Variants in ZNF385D observed in about 807,000 individuals in gnomAD.
ZNF385D encodes the protein zinc finger protein 385D, also known as zinc finger protein 659.
A neutral mutation model predicts 35.8 loss-of-function variants in ZNF385D; 15 were observed. The ratio of observed to expected loss-of-function variants is 0.42; its 90% CI spans 0.28 to 0.64. The LOEUF (loss-of-function observed/expected upper bound fraction) is 0.64. Ranked by LOEUF, ZNF385D falls within the 30% of genes least tolerant of loss-of-function variation. The probability of loss-of-function intolerance (pLI) is 0.23; values close to 1 mark genes in which losing one functional copy is unlikely to be tolerated. For synonymous variants in ZNF385D, 212 were observed against 186.8 expected (o/e 1.13, Z -1.10); for missense variants, 474 against 494.6 (o/e 0.96, Z 0.39).
In ZNF385D at chr3:21,982,818, C is replaced by CTTT. The variant is rs35606509; in HGVS notation, c.325+185996_325+185998dup. 2.7e-3 allele frequency among the ~76,000 whole-genome samples: 404 copies of CTTT among 150,420 alleles called. 2 individuals are homozygous for CTTT. Among genetic ancestry groups the CTTT allele is most frequent in the African/African-American group, 9.2e-3 (376 of 40,936 alleles). ...AGGGCTGTTGAATTTTATTGAAAGC[C>CTTT]TTTTTTTTTGCATCTATTGAGATAA... On this transcript the variant is annotated intron_variant, in intron 3 of 5. Coordinates refer to the ZNF385D transcript ENST00000494108.
chr3:21,573,744 A>C lies in ZNF385D; in HGVS notation c.166-9060T>G, dbSNP rs141545506. 1.4e-3 allele frequency among the ~76,000 whole-genome samples: 219 copies of C among 152,250 alleles called. 2 individuals are homozygous for C. The South Asian group carries it at 0.02, about 14-fold the overall frequency. On this transcript the variant is annotated intron_variant, in intron 2 of 7. Coordinates refer to ENST00000281523, the MANE Select transcript of ZNF385D (RefSeq NM_024697.3). ...TCAACAAAGAAAGTAGGAAGTTAGA[A>C]TCATATCACTTTATAACTCTTAAAG...
At chr3:22,358,777 A>G (rs771488151) in intron 2 of ZNF385D, among the ~76,000 whole-genome samples, 1 of 151,786 alleles carries the variant, frequency 6.6e-6, no homozygotes, top group Non-Finnish European at 1.5e-5. Context: ...GCAAGGAAAA[A>G]TTTAGAATGG....
At chr3:21,811,533 A>G (rs913404909) in intron 3 of ZNF385D, among the ~76,000 whole-genome samples, 1 of 152,166 alleles carries the variant, frequency 6.6e-6, no homozygotes, top group Non-Finnish European at 1.5e-5. Flanking sequence ...TAATGATAGT[A>G]AAAAAATACA....
At chr3:22,147,137 A>G (rs1164159405) in intron 3 of ZNF385D, among the ~76,000 whole-genome samples, 1 of 152,218 alleles carries the variant, frequency 6.6e-6, no homozygotes, top group African/African-American at 2.4e-5. Context: ...AATAATTTAG[A>G]ACAAGTACTA....
intron 2 of ZNF385D, among the ~76,000 whole-genome samples, chr3:22,305,696 G>A (rs932056670): frequency 5.3e-5 from 8 of 152,102 alleles, no homozygotes; most frequent in African/African-American, 1.9e-4. Context: ...CAAGTCACAC[G>A]GCCACAACTA....
intron 2 of ZNF385D, among the ~76,000 whole-genome samples, chr3:22,185,165 G>C (rs932086995): frequency 1.3e-5 from 2 of 151,830 alleles, no homozygotes; most frequent in African/African-American, 2.4e-5. Context: ...AAACTGAAAA[G>C]GTTGTAGAAA....
chr3:21,971,515 C>T (rs1703255933), intron 3 of ZNF385D, among the ~76,000 whole-genome samples: 1 of 151,054 alleles, frequency 6.6e-6, no homozygotes, highest in Non-Finnish European at 1.5e-5. Flanking sequence ...GAAAATATAC[C>T]ACTAGTGAAA....
At chr3:22,185,447 A>T (rs1695564897) in intron 2 of ZNF385D, among the ~76,000 whole-genome samples, 1 of 152,126 alleles carries the variant, frequency 6.6e-6, no homozygotes, top group Non-Finnish European at 1.5e-5. Context: ...CATGTATTTA[A>T]ATATGATCTA....
chr3:21,751,873 G>A (rs1000344499), upstream of ZNF385D, among the ~76,000 whole-genome samples: 4 of 152,030 alleles, frequency 2.6e-5, no homozygotes, highest in Non-Finnish European at 5.9e-5. Context: ...TAGTAGGCAG[G>A]TAGAAAGCAC....
chr3:22,212,782 G>A (rs555947847), intron 2 of ZNF385D, among the ~76,000 whole-genome samples: 26 of 152,056 alleles, frequency 1.7e-4, no homozygotes, highest in African/African-American at 6.3e-4. Flanking sequence ...TATAGCTATA[G>A]TTAGCAAAGA....
chr3:22,362,395 C>G (rs937615049), intron 2 of ZNF385D, among the ~76,000 whole-genome samples: 1 of 151,992 alleles, frequency 6.6e-6, no homozygotes, highest in African/African-American at 2.4e-5. Flanking sequence ...CAACTGTTCA[C>G]CAAATTCCGT....
At chr3:22,294,687 T>C (rs1298985492) in intron 2 of ZNF385D, among the ~76,000 whole-genome samples, 1 of 152,094 alleles carries the variant, frequency 6.6e-6, no homozygotes, top group Non-Finnish European at 1.5e-5. Flanking sequence ...TGCTACTAAA[T>C]GTCTCTAAGC....
intron 3 of ZNF385D, among the ~76,000 whole-genome samples, chr3:22,056,126 G>C (rs1190075993): frequency 1.0e-4 from 1 of 9,908 alleles, no homozygotes; most frequent in Non-Finnish European, 1.8e-4. Context: ...GACTGTGGTG[G>C]GGTCGGGGGA....
rs546215733 is a variant in ZNF385D at position 21,424,604 on chromosome 3, C to T, written c.853-540G>A. Among the ~76,000 whole-genome samples the T allele has an allele frequency of 4.0e-5, 6 of 150,840 alleles. 1 individual carries two copies. The highest frequency in any genetic ancestry group is 4.2e-4 in the South Asian group (2 of 4,788). On this transcript the variant is annotated intron_variant, in intron 6 of 7. Transcript: ENST00000281523. The stretch of plus-strand genomic sequence containing the variant: ...CTGAGATTACAGGCGTGAGCCACTG[C>T]GCCCAGCCTATTTTAGTGTATTTTT...
chr3:22,164,227 T>A (rs960993946), intron 3 of ZNF385D, among the ~76,000 whole-genome samples: 9 of 113,770 alleles, frequency 7.9e-5, no homozygotes, highest in African/African-American at 3.4e-4. Context: ...TTTTTTTTTT[T>A]TTTTTTTTTT....
chr3:21,704,118 A>T (rs1247428153), intron 1 of ZNF385D, among the ~76,000 whole-genome samples: 1 of 152,212 alleles, frequency 6.6e-6, no homozygotes, highest in African/African-American at 2.4e-5. Flanking sequence ...CATATTTGGA[A>T]GTTAGAACAG....
At chr3:21,783,507 C>T (rs1207439261) in intron 3 of ZNF385D, among the ~76,000 whole-genome samples, 1 of 152,114 alleles carries the variant, frequency 6.6e-6, no homozygotes, top group Non-Finnish European at 1.5e-5. Context: ...TTTTTATCGA[C>T]TGCCTACCTA....
chr3:22,234,962 C>T (rs1699095318), intron 2 of ZNF385D, among the ~76,000 whole-genome samples: 2 of 151,816 alleles, frequency 1.3e-5, no homozygotes, highest in Non-Finnish European at 2.9e-5. Context: ...TTTTATAGTA[C>T]CAAATAAGAA....
chr3:22,082,479 G>A (rs1382631717), intron 3 of ZNF385D, among the ~76,000 whole-genome samples: 2 of 152,190 alleles, frequency 1.3e-5, no homozygotes, highest in African/African-American at 4.8e-5. Context: ...CAAACTGCAA[G>A]GCGGCAGCCT....
Sources: allele counts gnomAD v4.1 joint callset (sites outside exome capture counted in the v4.1 genomes callset), GRCh38; gene constraint gnomAD v4.1.1; transcripts MANE v1.5; gene names NCBI Gene and HGNC (gene_info 2026-07-23, HGNC 2026-07-21).